The following PDE4D variants were observed in gnomAD, a reference collection of about 807,000 sequenced individuals.
The protein encoded by PDE4D is phosphodiesterase 4D.
In PDE4D, 24 loss-of-function variants were observed where a neutral mutation model predicts 87.4. The observed-to-expected ratio is 0.27, with a 90% CI of 0.20 to 0.39. PDE4D has a LOEUF of 0.39. Ranked by LOEUF, PDE4D falls within the 10% of genes least tolerant of loss-of-function variation. The pLI is 1.00. For synonymous variants in PDE4D, 384 were observed against 383.2 expected, an observed-to-expected ratio of 1.00 and a Z score of -0.02; for missense variants, 714 against 1,041.0, an observed-to-expected ratio of 0.69 and a Z score of 4.32.
intron 1 of PDE4D, among the ~76,000 whole-genome samples, chr5:59,715,652 T>C (rs1394388101): frequency 6.6e-6 from 1 of 152,212 alleles, no homozygotes; most frequent in African/African-American, 2.4e-5. Context: ...CAGAAGTGGC[T>C]AGTTGGCCAC....
intron 6 of PDE4D, among the ~76,000 whole-genome samples, chr5:59,036,973 T>C (rs1244850329): frequency 6.6e-6 from 1 of 152,074 alleles, no homozygotes; most frequent in Non-Finnish European, 1.5e-5. Context: ...GTAAATTAAC[T>C]CAAAGTCTAA....
chr5:60,267,497 A>G (rs1235965764), intron 1 of PDE4D, among the ~76,000 whole-genome samples: 1 of 152,192 alleles, frequency 6.6e-6, no homozygotes, highest in African/African-American at 2.4e-5. Flanking sequence ...TTTTGTCTCT[A>G]ACTGTATACT....
In PDE4D at chr5:60,215,739, T is replaced by C. The variant is rs1743785409; in HGVS notation, c.-89-30052A>G. On this transcript the variant is annotated intron_variant, in intron 1 of 16. Transcript: ENST00000502484. The stretch of plus-strand genomic sequence containing the variant: ...ATCCCAGACCTATGTTATCATAAAC[T>C]CTGAGAGATTTGGCCCAGCAATCTA... Among the ~76,000 whole-genome samples the C allele has an allele frequency of 2.0e-5, 3 of 152,154 alleles. No individual in the cohort carries two copies. The South Asian group carries it at 6.2e-4, about 32-fold the overall frequency.
In PDE4D at chr5:59,338,860, G is replaced by A. The variant is rs149160567; in HGVS notation, c.456-122892C>T. ...ATGAAAGTCTGTTTTTATGCTTCTC[G>A]ATGACATTTTTAGCATAATTTAGAG... On this transcript the variant is annotated intron_variant, in intron 1 of 14. Transcript: ENST00000340635. 5.1e-3 allele frequency among the ~76,000 whole-genome samples: 782 copies of A among 152,188 alleles called. 7 individuals are homozygous for A. The highest frequency in any genetic ancestry group is 0.021 in the Admixed American group (317 of 15,280).
intron 1 of PDE4D, among the ~76,000 whole-genome samples, chr5:59,286,077 A>T (rs1766895174): frequency 6.6e-6 from 1 of 152,170 alleles, no homozygotes; most frequent in Non-Finnish European, 1.5e-5. Flanking sequence ...CCACATGAAG[A>T]CTGTATATCC....
chr5:59,588,807 G>A (rs1825550060), intron 1 of PDE4D, among the ~76,000 whole-genome samples: 1 of 152,148 alleles, frequency 6.6e-6, no homozygotes, highest in African/African-American at 2.4e-5. Context: ...GAGATTTCCT[G>A]TAGCCTAGGC....
intron 7 of PDE4D, 135 bp downstream of exon 7, chr5:58,993,234 TTAA>T: frequency 1.9e-6 from 1 of 530,296 alleles, no homozygotes; most frequent in East Asian, 3.2e-5. Context: ...TGTCGAATTA[TTAA>T]TATGACGAAT....
chr5:59,135,656 A>G (rs889014799), intron 5 of PDE4D, among the ~76,000 whole-genome samples: 15 of 152,130 alleles, frequency 9.9e-5, no homozygotes, highest in African/African-American at 3.6e-4. Flanking sequence ...TATTCTCTAT[A>G]TTTATGTATT....
intron 1 of PDE4D, among the ~76,000 whole-genome samples, chr5:60,425,260 A>G (rs1322027945): frequency 6.6e-6 from 1 of 152,258 alleles, no homozygotes; most frequent in African/African-American, 2.4e-5. Context: ...AGCTGGAAGC[A>G]TCACGCTACC....
At chr5:59,934,557 A>G (rs1756351687) in intron 3 of PDE4D, among the ~76,000 whole-genome samples, 1 of 152,212 alleles carries the variant, frequency 6.6e-6, no homozygotes, top group Non-Finnish European at 1.5e-5. Context: ...AATGGAGAAG[A>G]GATGGAGCCT....
rs149305311 is a variant in PDE4D, at chr5:59,138,311, G to A, written c.808+42284C>T. The stretch of plus-strand genomic sequence containing the variant: ...TTTTTTTGGTTTGTTTTTTTTAGAC[G>A]GAATCTCGCTGTGTTGCCCAGGCTG... On this transcript the variant is annotated intron_variant, in intron 5 of 14. Coordinates refer to ENST00000340635, the MANE Select transcript of PDE4D (RefSeq NM_001104631.2). 6.6e-5 allele frequency among the ~76,000 whole-genome samples: 10 copies of A among 151,768 alleles called. No individual in the cohort carries two copies. In the East Asian group the frequency reaches 1.8e-3, roughly 27 times the overall value.
chr5:60,233,250 C>T (rs1426412832), intron 1 of PDE4D, among the ~76,000 whole-genome samples: 3 of 151,418 alleles, frequency 2.0e-5, no homozygotes, highest in Non-Finnish European at 4.4e-5. Flanking sequence ...CCATTCTTGT[C>T]ATTCATTCCA....
At chr5:59,738,462 G>T (rs1207388050) in intron 1 of PDE4D, among the ~76,000 whole-genome samples, 2 of 151,902 alleles carry the variant, frequency 1.3e-5, no homozygotes, top group Non-Finnish European at 2.9e-5. Context: ...AGAATTATTT[G>T]TTTTCCAAAG....
At position 59,234,253 on chromosome 5, in the gene PDE4D, G is replaced by T. The variant is rs536739941; in HGVS notation, c.456-18285C>A. Among the ~76,000 whole-genome samples the T allele has an allele frequency of 3.6e-4, 55 of 152,188 alleles. 1 individual carries two copies. The highest frequency in any genetic ancestry group is 2.4e-4 in the Non-Finnish European group (16 of 67,996). ...TTCATCTATTTTCTAGATAGATTAT[G>T]ATATTCAATTATGTGTATTTTGTCT... On this transcript the variant is annotated intron_variant, in intron 1 of 14. Coordinates refer to ENST00000340635, the MANE Select transcript of PDE4D (RefSeq NM_001104631.2).
chr5:59,885,515 C>T (rs751002352), intron 1 of PDE4D, among the ~76,000 whole-genome samples: 1 of 152,134 alleles, frequency 6.6e-6, no homozygotes, highest in Non-Finnish European at 1.5e-5. Flanking sequence ...CAGTCAATAA[C>T]TTAGCTTTAG....
At chr5:60,018,878 A>G (rs150076267) in intron 2 of PDE4D, among the ~76,000 whole-genome samples, 1 of 152,016 alleles carries the variant, frequency 6.6e-6, no homozygotes, top group Non-Finnish European at 1.5e-5. Flanking sequence ...TAGACACAAT[A>G]ACAGTGGTAG....
At chr5:59,166,164 G>A (rs1781896344) in intron 5 of PDE4D, 1 of 152,122 alleles carries the variant, frequency 6.6e-6, no homozygotes, top group Non-Finnish European at 1.5e-5. Context: ...TCTAAGGGGA[G>A]GTGATAAGCC....
At chr5:60,196,272 C>G (rs1428712125) in intron 1 of PDE4D, among the ~76,000 whole-genome samples, 1 of 151,576 alleles carries the variant, frequency 6.6e-6, no homozygotes, top group Non-Finnish European at 1.5e-5. Flanking sequence ...TTACTTTTCT[C>G]CCAGGATTCC....
rs77641274 is a variant in PDE4D, at chr5:60,307,256, G to A, written c.-89-121569C>T. Reference sequence around the variant, plus strand: ...TTTTCTTAAAAGATAAAAGGAGAAAGATACAATGGGAGTTATGTCATTCTA... The same window carrying A: ...TTTTCTTAAAAGATAAAAGGAGAAAAATACAATGGGAGTTATGTCATTCTA... On this transcript the variant is annotated intron_variant, in intron 1 of 16. Coordinates refer to the PDE4D transcript ENST00000502484. 6.6e-3 allele frequency among the ~76,000 whole-genome samples: 1,011 copies of A among 152,174 alleles called. 7 individuals carry two copies. Among genetic ancestry groups the A allele is most frequent in the African/African-American group, 0.023 (975 of 41,516 alleles).
Sources: allele counts gnomAD v4.1 joint callset (sites outside exome capture counted in the v4.1 genomes callset), GRCh38; gene constraint gnomAD v4.1.1; transcripts MANE v1.5; gene names NCBI Gene and HGNC (gene_info 2026-07-23, HGNC 2026-07-21).